Variants in CCDC148 observed in about 807,000 individuals in gnomAD.
CCDC148 encodes the protein coiled-coil domain containing 148, also known as coiled-coil domain-containing protein 148.
Under a neutral mutation model 85.7 loss-of-function variants are expected in CCDC148, and 89 were observed. The ratio of observed to expected loss-of-function variants is 1.04; its 90% CI spans 0.87 to 1.24. The LOEUF (loss-of-function observed/expected upper bound fraction) is 1.24. Among genes scored for constraint, CCDC148 ranks in the 50% most tolerant of loss-of-function variants. The pLI is 0.00. For missense variants in CCDC148, 692 were observed against 671.7 expected, an observed-to-expected ratio of 1.03 and a Z score of -0.33; for synonymous variants, 230 against 213.9, an observed-to-expected ratio of 1.08 and a Z score of -0.66.
At chr2:158,238,468 T>G (rs1414096190) in intron 10 of CCDC148, among the ~76,000 whole-genome samples, 2 of 152,146 alleles carry the variant, frequency 1.3e-5, no homozygotes, top group African/African-American at 4.8e-5. Context: ...AATCATTACA[T>G]TTTCTTCAGT....
chr2:158,240,638 G>A (rs566995304), intron 10 of CCDC148, among the ~76,000 whole-genome samples: 1 of 151,978 alleles, frequency 6.6e-6, no homozygotes, highest in South Asian at 2.1e-4. Context: ...CTGGCTTCCA[G>A]GCAGCACTCT....
chr2:158,361,831 T>G (rs1039701577), intron 1 of CCDC148, among the ~76,000 whole-genome samples: 11 of 152,204 alleles, frequency 7.2e-5, no homozygotes, highest in Admixed American at 7.2e-4. Context: ...TAACCTTAAC[T>G]GTAAATGGGC....
chr2:158,420,412 AAG>A (rs1164469108), intron 1 of CCDC148, among the ~76,000 whole-genome samples: 2 of 152,222 alleles, frequency 1.3e-5, no homozygotes, highest in African/African-American at 2.4e-5. Context: ...TACAAGCCAG[AAG>A]AGAGTGGGGG....
intron 11 of CCDC148, among the ~76,000 whole-genome samples, chr2:158,218,920 C>T (rs552446806): frequency 2.6e-5 from 4 of 152,290 alleles, no homozygotes; most frequent in South Asian, 2.1e-4. Context: ...ATGTGCATTT[C>T]GTCCAGAAAA....
chr2:158,400,379 G>A (rs1574755527), intron 1 of CCDC148, among the ~76,000 whole-genome samples: 1 of 152,262 alleles, frequency 6.6e-6, no homozygotes, highest in African/African-American at 2.4e-5. Context: ...CAATGGAACA[G>A]AACAGAGGTC....
At chr2:158,190,951 T>A (rs1685396234) in intron 11 of CCDC148, among the ~76,000 whole-genome samples, 1 of 152,024 alleles carries the variant, frequency 6.6e-6, no homozygotes, top group Non-Finnish European at 1.5e-5. Flanking sequence ...GCTTTAGTAT[T>A]GAGCTTTAAA....
chr2:158,217,368 G>GTTTATATATATATATATATATATATATA (rs1558990175), intron 11 of CCDC148, among the ~76,000 whole-genome samples: 2 of 76,136 alleles, frequency 2.6e-5, no homozygotes, highest in African/African-American at 8.5e-5. Context: ...AATTTTGTGT[G>GTTTATATATATATATATATATATATATA]TGTGTGTATA....
intron 9 of CCDC148, among the ~76,000 whole-genome samples, chr2:158,297,261 A>G (rs1405836383): frequency 6.6e-6 from 1 of 152,218 alleles, no homozygotes; most frequent in Non-Finnish European, 1.5e-5. Flanking sequence ...ATGCTCTAAA[A>G]GAAGCAACTT....
intron 9 of CCDC148, among the ~76,000 whole-genome samples, chr2:158,257,198 G>C (rs1689047041): frequency 6.6e-6 from 1 of 151,476 alleles, no homozygotes; most frequent in Non-Finnish European, 1.5e-5. Context: ...CTTCATCTGT[G>C]CTTATCTGAT....
intron 1 of CCDC148, among the ~76,000 whole-genome samples, chr2:158,394,492 G>C (rs1685443673): frequency 6.6e-6 from 1 of 151,982 alleles, no homozygotes; most frequent in South Asian, 2.1e-4. Flanking sequence ...AACATTTAGG[G>C]CTGTTTTGGG....
chr2:158,430,181 G>A (rs1221273136), intron 1 of CCDC148, among the ~76,000 whole-genome samples: 1 of 152,126 alleles, frequency 6.6e-6, no homozygotes, highest in Non-Finnish European at 1.5e-5. Flanking sequence ...ACTAGTTAAG[G>A]TGGAAAGTCT....
chr2:158,278,014 T>A (rs1300629878), intron 9 of CCDC148, among the ~76,000 whole-genome samples: 1 of 152,232 alleles, frequency 6.6e-6, no homozygotes, highest in Admixed American at 6.5e-5. Flanking sequence ...CACTACACTG[T>A]GTTTGGTAAA....
chr2:158,455,375 T>C (rs1354744734), intron 1 of CCDC148, among the ~76,000 whole-genome samples: 1 of 151,970 alleles, frequency 6.6e-6, no homozygotes, highest in East Asian at 1.9e-4. Flanking sequence ...CACATTTTAC[T>C]ACAAATGTGG....
intron 1 of CCDC148, among the ~76,000 whole-genome samples, chr2:158,406,628 T>TTTTTTTTTTGTTTTTGTTTTTG (rs1686028703): frequency 1.7e-5 from 2 of 119,010 alleles, no homozygotes; most frequent in Non-Finnish European, 3.7e-5. Flanking sequence ...TTTTTTTTTT[T>TTTTTTTTTTGTTTTTGTTTTTG]TTTTTTTTTT....
intron 1 of CCDC148, among the ~76,000 whole-genome samples, chr2:158,404,686 T>C (rs906521532): frequency 1.1e-4 from 16 of 152,158 alleles, no homozygotes; most frequent in Admixed American, 5.9e-4. Flanking sequence ...ATTAAATTAA[T>C]TTTTAAAATA....
At chr2:158,275,402 A>T (rs1458481164) in intron 9 of CCDC148, among the ~76,000 whole-genome samples, 1 of 152,252 alleles carries the variant, frequency 6.6e-6, no homozygotes, top group African/African-American at 2.4e-5. Context: ...AGACAATATA[A>T]TAGGTTTCCA....
At chr2:158,410,180 T>C (rs1277243715) in intron 1 of CCDC148, among the ~76,000 whole-genome samples, 1 of 152,174 alleles carries the variant, frequency 6.6e-6, no homozygotes, top group Non-Finnish European at 1.5e-5. Context: ...ACCCCTGCTC[T>C]TCTTCAGTTA....
intron 1 of CCDC148, among the ~76,000 whole-genome samples, chr2:158,385,841 AC>A (rs2105292208): frequency 6.6e-6 from 1 of 152,068 alleles, no homozygotes; most frequent in Admixed American, 6.6e-5. Flanking sequence ...AAGAGAGCAT[AC>A]CCTGTTACCA....
At chr2:158,357,108 T>C (rs1285396466) in intron 2 of CCDC148, among the ~76,000 whole-genome samples, 4 of 148,202 alleles carry the variant, frequency 2.7e-5, no homozygotes, top group African/African-American at 5.0e-5. Context: ...AGGGATAGCA[T>C]TGGGAGATAT....
Sources: allele counts gnomAD v4.1 joint callset (sites outside exome capture counted in the v4.1 genomes callset), GRCh38; gene constraint gnomAD v4.1.1; transcripts MANE v1.5; gene names NCBI Gene and HGNC (gene_info 2026-07-23, HGNC 2026-07-21).